Variants in RELL1 observed in about 807,000 individuals in gnomAD.
The protein encoded by RELL1 is RELT like 1, also known as RELT-like protein 1.
RELL1 carries 10 observed loss-of-function variants against 23.0 expected under a neutral mutation model. The ratio of observed to expected loss-of-function variants is 0.43; its 90% CI spans 0.27 to 0.74. RELL1 has a LOEUF of 0.74. Among genes scored for constraint, RELL1 ranks in the 30% least tolerant of loss-of-function variants. RELL1 has a pLI of 0.19. For synonymous variants in RELL1, 146 were observed against 146.8 expected (o/e 0.99, Z 0.04); for missense variants, 315 against 364.4 (o/e 0.86, Z 1.10).
At chr4:37,655,262 A>T (rs527483522) in intron 1 of RELL1, among the ~76,000 whole-genome samples, 160 of 151,884 alleles carry the variant, frequency 1.1e-3, no homozygotes, top group Middle Eastern at 3.4e-3. Context: ...TATATATATA[A>T]AAAGCAAGTT....
At chr4:37,618,924 G>T (rs1560331415) in intron 6 of RELL1, among the ~76,000 whole-genome samples, 1 of 152,024 alleles carries the variant, frequency 6.6e-6, no homozygotes, top group Admixed American at 6.6e-5. Flanking sequence ...TCGTTGCCCA[G>T]GCTGGAGTGC....
intron 1 of RELL1, among the ~76,000 whole-genome samples, chr4:37,669,181 TGG>T (rs533323150): frequency 0.23 from 18,220 of 80,800 alleles, 3,452 homozygotes; most frequent in African/African-American, 0.37. Flanking sequence ...GGGAGGGAGG[TGG>T]GGGGGGGGGT....
At chr4:37,645,299 C>G (rs9306950) in intron 3 of RELL1, among the ~76,000 whole-genome samples, 150,902 of 152,286 alleles carry the variant, frequency 0.99, 74,759 homozygotes, top group Middle Eastern at 1. Context: ...GGCAGTGAGG[C>G]GGTCATCCAT....
downstream of RELL1, among the ~76,000 whole-genome samples, chr4:37,587,347 G>A (rs1260632521): frequency 6.6e-6 from 1 of 152,136 alleles, no homozygotes; most frequent in Non-Finnish European, 1.5e-5. Flanking sequence ...TTATTTATAG[G>A]TTCCAGGGAT....
downstream of RELL1, among the ~76,000 whole-genome samples, chr4:37,606,163 AAG>A (rs201550794): frequency 0.016 from 2,341 of 150,898 alleles, 24 homozygotes; most frequent in Middle Eastern, 0.048. This position sits in a 1 kb window ranked among gnomAD's most constrained non-coding sequence, Gnocchi z 4.1. Context: ...AAAGAAAAGA[AAG>A]AAAAAAAGGA....
intron 1 of RELL1, among the ~76,000 whole-genome samples, chr4:37,678,214 A>T (rs1271317762): frequency 6.6e-6 from 1 of 152,010 alleles, no homozygotes; most frequent in Admixed American, 6.6e-5. Context: ...TCTCTTGTGA[A>T]CTCACTCACT....
At chr4:37,662,641 G>A (rs1391568542) in intron 1 of RELL1, among the ~76,000 whole-genome samples, 2 of 151,356 alleles carry the variant, frequency 1.3e-5, no homozygotes, top group Non-Finnish European at 2.9e-5. Flanking sequence ...GAACTGAAGA[G>A]AGAAAAATAA....
chr4:37,641,709 G>A (rs1454101133), intron 3 of RELL1, among the ~76,000 whole-genome samples: 2 of 152,118 alleles, frequency 1.3e-5, no homozygotes, highest in Non-Finnish European at 2.9e-5. Context: ...GCATGAAACA[G>A]CCAAAATCAG....
chr4:37,619,060 A>C (rs993603203), intron 6 of RELL1, among the ~76,000 whole-genome samples: 2 of 151,386 alleles, frequency 1.3e-5, no homozygotes, highest in Admixed American at 1.3e-4. Flanking sequence ...TGTATTTTTA[A>C]TAGAGATGGG....
At chr4:37,632,084 GAAAAAAAAAAAA>G (rs1183120605) in intron 5 of RELL1, among the ~76,000 whole-genome samples, 5 of 44,458 alleles carry the variant, frequency 1.1e-4, no homozygotes, top group Non-Finnish European at 1.5e-4. Flanking sequence ...TCTCAATAAG[GAAAAAAAAAAAA>G]AAAAAAAAAA....
intron 1 of RELL1, among the ~76,000 whole-genome samples, chr4:37,673,194 T>TTTTTTTC: frequency 9.0e-6 from 1 of 110,800 alleles, no homozygotes; most frequent in Admixed American, 9.4e-5. Context: ...TTCTTTTTTT[T>TTTTTTTC]TTTTTTTTTT....
intron 6 of RELL1, among the ~76,000 whole-genome samples, chr4:37,631,057 G>A (rs775336741): frequency 8.6e-5 from 13 of 151,994 alleles, no homozygotes; most frequent in South Asian, 4.1e-4. Flanking sequence ...TTTCTGCCTC[G>A]TGGTAATGCA....
chr4:37,641,413 C>G (rs747438107), intron 3 of RELL1, among the ~76,000 whole-genome samples: 21 of 152,216 alleles, frequency 1.4e-4, no homozygotes, highest in Non-Finnish European at 2.8e-4. Context: ...GACTGAAACA[C>G]ATGCCTTAAT....
At chr4:37,625,947 T>C (rs935769962) in intron 6 of RELL1, among the ~76,000 whole-genome samples, 5 of 151,856 alleles carry the variant, frequency 3.3e-5, no homozygotes, top group African/African-American at 1.2e-4. Flanking sequence ...AAATAGAAAT[T>C]TCTCAAAAGA....
chr4:37,656,804 T>C (rs891631146), intron 1 of RELL1, among the ~76,000 whole-genome samples: 18 of 152,254 alleles, frequency 1.2e-4, no homozygotes, highest in African/African-American at 4.1e-4. Flanking sequence ...ATGTGATTTC[T>C]TCCATTTTGT....
At position 37,615,070 on chromosome 4, in the gene RELL1, G is replaced by C. The variant is rs76359788; in HGVS notation, c.*4-1728C>G. On this transcript the variant is annotated intron_variant, in intron 6 of 6. Coordinates refer to ENST00000454158, the MANE Select transcript of RELL1 (RefSeq NM_001085400.2). Reference sequence around the variant, plus strand: ...TAGCATTCTCTCCTAGGGTTACTGGGGATTTGACATGAGATGATCCTATGC... The same window carrying C: ...TAGCATTCTCTCCTAGGGTTACTGGCGATTTGACATGAGATGATCCTATGC... Among the ~76,000 whole-genome samples the C allele has an allele frequency of 8.7e-4, 133 of 152,204 alleles. 2 individuals are homozygous for C. In the East Asian group the frequency reaches 0.024, roughly 28 times the overall value.
At chr4:37,668,943 C>A (rs1721654494) in intron 1 of RELL1, among the ~76,000 whole-genome samples, 1 of 150,862 alleles carries the variant, frequency 6.6e-6, no homozygotes. Flanking sequence ...TGCCTGGCAA[C>A]CGCCCTGTCT....
intron 3 of RELL1, among the ~76,000 whole-genome samples, chr4:37,640,530 G>A (rs926946904): frequency 4.6e-5 from 7 of 152,128 alleles, no homozygotes; most frequent in African/African-American, 1.7e-4. Flanking sequence ...TCCATGCGGG[G>A]ATGTTCCCCA....
intron 1 of RELL1, among the ~76,000 whole-genome samples, chr4:37,683,506 C>A (rs1722288424): frequency 2.6e-5 from 4 of 152,076 alleles, no homozygotes; most frequent in Admixed American, 6.6e-5. Context: ...CCTGTAATCC[C>A]TGCACTTTGG....
Sources: gnomAD v4.1 joint callset for allele counts (sites outside exome capture counted in the v4.1 genomes callset) on GRCh38, gnomAD v4.1.1 for gene constraint, Gnocchi (gnomAD v3.1) non-coding constraint, MANE v1.5 for transcripts, NCBI Gene and HGNC (gene_info 2026-07-23, HGNC 2026-07-21) for gene names.